CCDC171: variants seen among roughly 807,000 people sequenced by gnomAD.
The protein encoded by CCDC171 is coiled-coil domain-containing protein 171.
A neutral mutation model predicts 168.2 loss-of-function variants in CCDC171; 177 were observed. That is an observed-to-expected ratio of 1.05 (90% CI 0.93 to 1.19). The LOEUF is 1.19. Among genes scored for constraint, CCDC171 ranks in the 50% most tolerant of loss-of-function variants. The pLI is 0.00. For synonymous variants in CCDC171, 687 were observed against 540.8 expected (o/e 1.27, Z -3.75); for missense variants, 1,991 against 1,539.0 (o/e 1.29, Z -4.91).
intron 16 of CCDC171, among the ~76,000 whole-genome samples, chr9:15,743,621 AT>A (rs1479060137): frequency 1.3e-5 from 2 of 152,214 alleles, no homozygotes; most frequent in Admixed American, 6.5e-5. Flanking sequence ...AAGCAACTTG[AT>A]TAGGCAAAAA....
intron 18 of CCDC171, among the ~76,000 whole-genome samples, chr9:15,761,710 C>T (rs534418680): frequency 2.0e-5 from 3 of 152,216 alleles, no homozygotes; most frequent in South Asian, 2.1e-4. Flanking sequence ...CGGAAACAAG[C>T]ACAATCTGAC....
intron 24 of CCDC171, among the ~76,000 whole-genome samples, chr9:15,880,339 A>G (rs1201025958): frequency 2.0e-5 from 3 of 152,198 alleles, no homozygotes; most frequent in Non-Finnish European, 4.4e-5. Flanking sequence ...TTACTTGCCA[A>G]TTGATAAATT....
the CCDC171 span, among the ~76,000 whole-genome samples, chr9:16,073,024 C>G: frequency 1.3e-5 from 2 of 152,208 alleles, no homozygotes; most frequent in Non-Finnish European, 2.9e-5. Context: ...TGCTTTACCT[C>G]TCTAAGCCTG....
At chr9:15,568,269 T>G (rs1174848814) in intron 2 of CCDC171, among the ~76,000 whole-genome samples, 1 of 131,662 alleles carries the variant, frequency 7.6e-6, no homozygotes, top group Non-Finnish European at 1.6e-5. Flanking sequence ...CAATACATCT[T>G]TTTTTTTTTT....
At chr9:15,859,311 G>A (rs2130939906) in intron 23 of CCDC171, among the ~76,000 whole-genome samples, 1 of 151,848 alleles carries the variant, frequency 6.6e-6, no homozygotes, top group Middle Eastern at 3.4e-3. Flanking sequence ...AGGATTTTTA[G>A]ATCTATATTC....
intron 21 of CCDC171, among the ~76,000 whole-genome samples, chr9:15,794,994 T>C (rs1160409568): frequency 1.3e-5 from 2 of 152,210 alleles, no homozygotes; most frequent in Admixed American, 1.3e-4. Context: ...CTCTTCCCAC[T>C]CCAAACACAG....
chr9:15,716,194 G>T (rs1444572462), intron 11 of CCDC171, among the ~76,000 whole-genome samples: 3 of 152,178 alleles, frequency 2.0e-5, no homozygotes, highest in Non-Finnish European at 4.4e-5. Context: ...TAGACAGAGG[G>T]AGAGAGAAGC....
At chr9:15,945,024 C>A (rs187214333) in intron 25 of CCDC171, among the ~76,000 whole-genome samples, 87 of 152,092 alleles carry the variant, frequency 5.7e-4, no homozygotes, top group African/African-American at 2.0e-3. Context: ...AATGCTATCC[C>A]TCTCCCCCGC....
chr9:15,866,463 G>C (rs969923509), intron 23 of CCDC171, among the ~76,000 whole-genome samples: 8 of 152,006 alleles, frequency 5.3e-5, no homozygotes, highest in Admixed American at 5.3e-4. Context: ...TGAGAAAGAG[G>C]CAGGGGAGGA....
downstream of CCDC171, among the ~76,000 whole-genome samples, chr9:16,063,415 T>C (rs1438804899): frequency 6.6e-6 from 1 of 152,132 alleles, no homozygotes; most frequent in African/African-American, 2.4e-5. Context: ...TCAAGACGTG[T>C]TGAGTTTGGG....
intron 21 of CCDC171, among the ~76,000 whole-genome samples, chr9:15,801,484 G>A (rs934940818): frequency 2.6e-5 from 4 of 152,070 alleles, no homozygotes; most frequent in African/African-American, 9.7e-5. Flanking sequence ...CAGCTTTAGT[G>A]AATTTGTTTA....
At chr9:15,610,557 G>A (rs2043605136) in intron 6 of CCDC171, among the ~76,000 whole-genome samples, 1 of 150,058 alleles carries the variant, frequency 6.7e-6, no homozygotes, top group African/African-American at 2.4e-5. Context: ...GAACCTGGGA[G>A]GCGGAGGTTG....
chr9:15,679,444 C>G (rs975068212), intron 10 of CCDC171, among the ~76,000 whole-genome samples: 3 of 152,094 alleles, frequency 2.0e-5, no homozygotes, highest in African/African-American at 7.2e-5. Flanking sequence ...ATCTCAGGAC[C>G]TTTTCCTTTT....
chr9:16,053,303 A>G (rs1174537868), intron 1 of CCDC171, among the ~76,000 whole-genome samples: 1 of 152,236 alleles, frequency 6.6e-6, no homozygotes, highest in African/African-American at 2.4e-5. Context: ...AGCGCCCAGC[A>G]CTGTTGTGAT....
At chr9:15,994,512 C>A (rs998999606) in intron 3 of CCDC171, among the ~76,000 whole-genome samples, 1 of 152,102 alleles carries the variant, frequency 6.6e-6, no homozygotes, top group Admixed American at 6.6e-5. Flanking sequence ...TGCAACATGC[C>A]AACATGGCAC....
intron 4 of CCDC171, among the ~76,000 whole-genome samples, chr9:15,580,002 G>T (rs1252094445): frequency 6.6e-6 from 1 of 152,118 alleles, no homozygotes. Flanking sequence ...GTTCTACATG[G>T]TACTGGTATA....
rs553028016 is a variant in CCDC171 at position 15,627,785 on chromosome 9, G to A, written c.822+4372G>A. On this transcript the variant is annotated intron_variant, in intron 7 of 25. Transcript: ENST00000380701. ...AGTGTGATGTGGTGCTGAGAAGAAT[G>A]TATATTCTGTTGATTTTGCATGGAG... Among the ~76,000 whole-genome samples the A allele has an allele frequency of 2.0e-5, 3 of 152,332 alleles. No homozygotes were observed. The South Asian group carries it at 6.2e-4, about 32-fold the overall frequency.
chr9:15,564,289 A>G (rs981520061), intron 2 of CCDC171, among the ~76,000 whole-genome samples, 160 bp downstream of exon 2: 1 of 152,202 alleles, frequency 6.6e-6, no homozygotes, highest in African/African-American at 2.4e-5. Context: ...CCTCATAAGA[A>G]TTGGAACTGA....
At chr9:15,897,625 A>G (rs1183488005) in intron 24 of CCDC171, among the ~76,000 whole-genome samples, 1 of 152,170 alleles carries the variant, frequency 6.6e-6, no homozygotes, top group African/African-American at 2.4e-5. Context: ...GAGATCTTTG[A>G]AAATCCTGGT....
Sources: gnomAD v4.1 joint callset for allele counts (sites outside exome capture counted in the v4.1 genomes callset) on GRCh38, gnomAD v4.1.1 for gene constraint, MANE v1.5 for transcripts, NCBI Gene and HGNC (gene_info 2026-07-23, HGNC 2026-07-21) for gene names.